The following GALNT17 variants were observed in gnomAD, a reference collection of about 807,000 sequenced individuals.
GALNT17 encodes UDP-GalNAc:polypeptide N-acetylgalactosaminyltransferase-like 3.
Under a neutral mutation model 63.7 loss-of-function variants are expected in GALNT17, and 29 were observed. That is an observed-to-expected ratio of 0.46 (90% CI 0.34 to 0.62). The LOEUF is 0.62. Among genes scored for constraint, GALNT17 ranks in the 20% least tolerant of loss-of-function variants. The probability of loss-of-function intolerance (pLI) is 0.01; values close to 1 mark genes in which losing one functional copy is unlikely to be tolerated. For synonymous variants in GALNT17, 305 were observed against 318.3 expected, an observed-to-expected ratio of 0.96 and a Z score of 0.45; for missense variants, 603 against 799.6, an observed-to-expected ratio of 0.75 and a Z score of 2.97.
intron 5 of GALNT17, among the ~76,000 whole-genome samples, chr7:71,429,582 G>T (rs1786822191): frequency 6.6e-6 from 1 of 152,108 alleles, no homozygotes; most frequent in Non-Finnish European, 1.5e-5. Context: ...TCACTCTGTT[G>T]CCCAGGCTAG....
At chr7:71,612,491 G>A (rs143917106) in intron 6 of GALNT17, among the ~76,000 whole-genome samples, 105 of 152,342 alleles carry the variant, frequency 6.9e-4, no homozygotes, top group African/African-American at 1.9e-3. Flanking sequence ...AAGAGGTTGT[G>A]TTCAGCAAGC....
intron 5 of GALNT17, among the ~76,000 whole-genome samples, chr7:71,518,863 A>G (rs1467267281): frequency 1.3e-5 from 2 of 152,170 alleles, no homozygotes; most frequent in African/African-American, 2.4e-5. Flanking sequence ...GGGTTTAATC[A>G]GTAAGAATTG....
chr7:71,232,639 T>G (rs1789813488), intron 1 of GALNT17, among the ~76,000 whole-genome samples: 1 of 152,100 alleles, frequency 6.6e-6, no homozygotes, highest in Non-Finnish European at 1.5e-5. Flanking sequence ...ATGGAGGCAT[T>G]AGTGTTACAG....
At chr7:71,135,947 T>C (rs937389151) in intron 1 of GALNT17, among the ~76,000 whole-genome samples, 7 of 152,194 alleles carry the variant, frequency 4.6e-5, no homozygotes, top group East Asian at 3.9e-4. Flanking sequence ...GAGCTTTTCC[T>C]GGGCAAGCTA....
At chr7:71,161,333 A>G (rs1788337795) in intron 1 of GALNT17, among the ~76,000 whole-genome samples, 1 of 152,130 alleles carries the variant, frequency 6.6e-6, no homozygotes, top group South Asian at 2.1e-4. Flanking sequence ...ATTTTTCCAA[A>G]TATCATTTAT....
intron 6 of GALNT17, among the ~76,000 whole-genome samples, chr7:71,620,312 T>G (rs985486091): frequency 6.6e-6 from 1 of 152,188 alleles, no homozygotes; most frequent in African/African-American, 2.4e-5. Context: ...TAGAATGAGT[T>G]AGGGAGGAGC....
chr7:71,406,925 A>G (rs936053365), intron 3 of GALNT17, among the ~76,000 whole-genome samples: 4 of 152,220 alleles, frequency 2.6e-5, no homozygotes, highest in Admixed American at 1.3e-4. Flanking sequence ...TCTTACATAT[A>G]TAAAATATTG....
intron 6 of GALNT17, among the ~76,000 whole-genome samples, chr7:71,648,897 C>T (rs1790717725): frequency 6.6e-6 from 1 of 152,224 alleles, no homozygotes; most frequent in African/African-American, 2.4e-5. Context: ...GCTGTGACTC[C>T]AGGACTATCT....
chr7:71,148,157 T>G (rs1433726650), intron 1 of GALNT17, among the ~76,000 whole-genome samples: 1 of 152,202 alleles, frequency 6.6e-6, no homozygotes, highest in Admixed American at 6.5e-5. Context: ...CTGTGTCATT[T>G]AGGAATTAAT....
At chr7:71,323,795 C>T (rs1026199291) in intron 1 of GALNT17, among the ~76,000 whole-genome samples, 3 of 152,178 alleles carry the variant, frequency 2.0e-5, no homozygotes, top group Non-Finnish European at 2.9e-5. Context: ...GTCATTCAGC[C>T]GTCCAATCGT....
chr7:71,591,245 AG>A (rs1039817440), intron 6 of GALNT17, among the ~76,000 whole-genome samples: 1 of 151,804 alleles, frequency 6.6e-6, no homozygotes, highest in African/African-American at 2.4e-5. Context: ...GAGTAGAGAC[AG>A]GGTTTCACCA....
chr7:71,255,839 T>G (rs1790279117), intron 1 of GALNT17, among the ~76,000 whole-genome samples: 1 of 151,960 alleles, frequency 6.6e-6, no homozygotes, highest in Non-Finnish European at 1.5e-5. Flanking sequence ...AAAATAAAAT[T>G]CTCAGTCCTC....
intron 2 of GALNT17, among the ~76,000 whole-genome samples, chr7:71,349,651 T>TA (rs79475024): frequency 0.16 from 23,676 of 152,172 alleles, 2,104 homozygotes; most frequent in South Asian, 0.29. Context: ...AATAAATAAA[T>TA]ACGAAATTGC....
chr7:71,231,594 C>G (rs1789789422), intron 1 of GALNT17, among the ~76,000 whole-genome samples: 2 of 152,030 alleles, frequency 1.3e-5, no homozygotes. Context: ...GATCAGGGTG[C>G]CAGCATGGTC....
chr7:71,596,544 G>A (rs1789889636), intron 6 of GALNT17, among the ~76,000 whole-genome samples: 1 of 152,032 alleles, frequency 6.6e-6, no homozygotes, highest in Non-Finnish European at 1.5e-5. Flanking sequence ...TGAAATGGGA[G>A]GGAAGAAGGG....
chr7:71,388,822 C>T (rs559163293), intron 3 of GALNT17, among the ~76,000 whole-genome samples: 57 of 152,136 alleles, frequency 3.7e-4, no homozygotes, highest in Non-Finnish European at 7.4e-4. Flanking sequence ...CCACCGTGCC[C>T]GGCCCAAGAT....
At chr7:71,269,621 G>C (rs544029436) in intron 1 of GALNT17, among the ~76,000 whole-genome samples, 2 of 152,334 alleles carry the variant, frequency 1.3e-5, no homozygotes, top group Non-Finnish European at 2.9e-5. Flanking sequence ...CGACCCACAC[G>C]TGGGGCCTAG....
At chr7:71,167,611 T>G (rs1788466416) in intron 1 of GALNT17, among the ~76,000 whole-genome samples, 1 of 152,216 alleles carries the variant, frequency 6.6e-6, no homozygotes, top group South Asian at 2.1e-4. Flanking sequence ...TTCATTCTTT[T>G]ATGGATCATA....
intron 1 of GALNT17, among the ~76,000 whole-genome samples, chr7:71,220,404 G>A (rs2116418563): frequency 6.6e-6 from 1 of 152,304 alleles, no homozygotes; most frequent in Non-Finnish European, 1.5e-5. Flanking sequence ...GGGAGGTCCT[G>A]TGATATTTTC....
Sources: gnomAD v4.1 joint callset for allele counts (sites outside exome capture counted in the v4.1 genomes callset) on GRCh38, gnomAD v4.1.1 for gene constraint, MANE v1.5 for transcripts, NCBI Gene and HGNC (gene_info 2026-07-23, HGNC 2026-07-21) for gene names.